The following ZNF644 variants were observed in gnomAD, a reference collection of about 807,000 sequenced individuals.
ZNF644 encodes zinc finger protein 644.
ZNF644 carries 20 observed loss-of-function variants against 108.0 expected under a neutral mutation model. That is an observed-to-expected ratio of 0.19 (90% CI 0.13 to 0.27). The LOEUF is 0.27. Ranked by LOEUF, ZNF644 falls within the 10% of genes least tolerant of loss-of-function variation. The pLI is 1.00. For missense variants in ZNF644, 1,338 were observed against 1,548.9 expected (o/e 0.86, Z 2.29); for synonymous variants, 542 against 539.1 (o/e 1.01, Z -0.08).
At chr1:90,953,200 G>C (rs1653376488) in intron 2 of ZNF644, among the ~76,000 whole-genome samples, 1 of 151,694 alleles carries the variant, frequency 6.6e-6, no homozygotes, top group Non-Finnish European at 1.5e-5. Context: ...TGAGTGATTT[G>C]TCACCTTCTT....
chr1:91,005,513 T>C (rs564726247), intron 1 of ZNF644, among the ~76,000 whole-genome samples: 7 of 152,176 alleles, frequency 4.6e-5, no homozygotes, highest in Admixed American at 1.3e-4. Context: ...TTCTTTAGTA[T>C]GTACTAGGTG....
intron 1 of ZNF644, among the ~76,000 whole-genome samples, chr1:91,009,024 A>G (rs1425418000): frequency 6.6e-6 from 1 of 152,190 alleles, no homozygotes; most frequent in Non-Finnish European, 1.5e-5. Flanking sequence ...GCTTGAGCCC[A>G]AGAGTTCAAG....
At chr1:91,007,225 G>GTTTTTTTTTTTTT (rs35761791) in intron 1 of ZNF644, among the ~76,000 whole-genome samples, 5 of 55,998 alleles carry the variant, frequency 8.9e-5, no homozygotes, top group Non-Finnish European at 1.3e-4. Context: ...CTCCCATTTT[G>GTTTTTTTTTTTTT]TTTTTTTTTT....
At chr1:90,957,140 G>A (rs1283225238) in intron 2 of ZNF644, among the ~76,000 whole-genome samples, 1 of 152,030 alleles carries the variant, frequency 6.6e-6, no homozygotes, top group Non-Finnish European at 1.5e-5. Flanking sequence ...TACAAGTAAA[G>A]AGAATGAACT....
Position 90,937,882 on chromosome 1 carries a change from G to A in ZNF644, c.3291C>T (p.Asn1097=). ...EKYEKILKAL[N]SRRIIPRPFV... ...ATGGTCTGGGAATAATACGACGACT[G>A]TTCAATGCCTTTAAGATTTTTTCAT... Residue 1097 remains asparagine, a synonymous_variant, in exon 4 of 6, where the codon AAC becomes AAT. Transcript: ENST00000337393. The A allele has an allele frequency of 6.2e-7, 1 of 1,613,864 alleles. No individual in the cohort carries two copies. Among genetic ancestry groups the A allele is most frequent in the Non-Finnish European group, 8.5e-7 (1 of 1,179,874 alleles).
intron 1 of ZNF644, among the ~76,000 whole-genome samples, chr1:90,985,662 A>C (rs906200836): frequency 1.3e-5 from 2 of 152,178 alleles, no homozygotes; most frequent in African/African-American, 4.8e-5. Flanking sequence ...ACTGAATAGT[A>C]TTCCATTGTG....
In ZNF644 at chr1:90,940,288, A is replaced by G; in HGVS notation, c.1066T>C (p.Ser356Pro). ...ATTAGATGTTGGAAGGCATCCACAG[A>G]TTCTAAGTCTTCATCAGTTGATTCA... ...KPESTDEDLE[S>P]VDAFQHLIYN... Residue 356 changes from serine to proline, a missense_variant, in exon 3 of 6, where the codon TCT becomes CCT. Coordinates refer to ENST00000337393, the MANE Select transcript of ZNF644 (RefSeq NM_201269.3). 4 of 1,613,986 alleles carry G rather than the reference A, an allele frequency of 2.5e-6. No homozygotes were observed. In the South Asian group the frequency reaches 4.4e-5, roughly 18 times the overall value.
rs1455390760 is a variant in ZNF644 at position 90,939,328 on chromosome 1, T to C, written c.2026A>G (p.Lys676Glu). The C allele has an allele frequency of 2.5e-6, 4 of 1,614,082 alleles. No homozygotes were observed. Among genetic ancestry groups the C allele is most frequent in the Non-Finnish European group, 3.4e-6 (4 of 1,179,948 alleles). Residue 676 changes from lysine to glutamate, a missense_variant, in exon 3 of 6, where the codon AAA becomes GAA. Around this residue, in one of 6 missense-constraint regions of ZNF644, gnomAD observed 462 missense variants for 472.6 expected, o/e 0.98. Transcript: ENST00000337393. The part of the protein sequence containing the change: ...GSTSQSSSFS[K>E]IHKRPHRIQK... ...ATTCTGTGTGGCCGCTTATGAATTT[T>C]TGAAAAACTACTTGATTGTGAGGTT...
intron 4 of ZNF644, among the ~76,000 whole-genome samples, chr1:90,931,818 TA>T (rs541538277): frequency 6.3e-4 from 93 of 148,634 alleles, no homozygotes; most frequent in African/African-American, 1.8e-3. Flanking sequence ...CTTCTGCTCT[TA>T]AAAAAAAAAG....
intron 2 of ZNF644, among the ~76,000 whole-genome samples, chr1:90,961,573 T>C (rs1390465771): frequency 6.6e-6 from 1 of 152,148 alleles, no homozygotes; most frequent in Non-Finnish European, 1.5e-5. Flanking sequence ...GAAGCAAGTA[T>C]AAGAATCCAA....
At chr1:90,973,155 A>G (rs1045357802) in intron 2 of ZNF644, 4 of 152,086 alleles carry the variant, frequency 2.6e-5, no homozygotes, top group Non-Finnish European at 4.4e-5. Context: ...AAAATTACCA[A>G]TGGGGATGAG....
At chr1:90,997,906 G>T (rs115558873) in intron 1 of ZNF644, among the ~76,000 whole-genome samples, 1 of 152,192 alleles carries the variant, frequency 6.6e-6, no homozygotes, top group East Asian at 1.9e-4. Context: ...TATATCCCTC[G>T]CGTGGCTTGG....
chr1:90,989,001 A>C (rs939700548), intron 1 of ZNF644, among the ~76,000 whole-genome samples: 1 of 152,336 alleles, frequency 6.6e-6, no homozygotes, highest in African/African-American at 2.4e-5. Context: ...TGACACCAAA[A>C]GCACAGGGAA....
rs375973179 is a variant in ZNF644, at chr1:91,010,555, A to G, written c.-18+11435T>C. ...TAACATGCTCTTCCCCCTAGCTGTT[A>G]TCTCCTTCCCTTTCCACCAACCTAT... On this transcript the variant is annotated intron_variant, in intron 1 of 5. Coordinates refer to ENST00000337393, the MANE Select transcript of ZNF644 (RefSeq NM_201269.3). Among the ~76,000 whole-genome samples the G allele has an allele frequency of 8.5e-5, 13 of 152,058 alleles. No homozygotes were observed. The East Asian group carries it at 2.1e-3, about 25-fold the overall frequency.
At chr1:90,923,317 G>A (rs998938671) in intron 4 of ZNF644, among the ~76,000 whole-genome samples, 7 of 151,836 alleles carry the variant, frequency 4.6e-5, no homozygotes, top group Non-Finnish European at 8.8e-5. Context: ...GCTGCATTCA[G>A]TTCCACCCCT....
chr1:90,915,817 T>C lies in ZNF644; in HGVS notation c.*981A>G, dbSNP rs1648706787. ...TGGTGTATTAAGTTTTGCTAACTGA[T>C]CAAATTTGGAAGATAATATAAATGA... is the stretch of plus-strand genomic sequence containing the variant. On this transcript the variant is annotated 3_prime_UTR_variant, in exon 6 of 6. Coordinates refer to ENST00000337393, the MANE Select transcript of ZNF644 (RefSeq NM_201269.3). 6.6e-6 allele frequency: 1 copy of C among 152,590 alleles called. No individual in the cohort carries two copies. Among genetic ancestry groups the C allele is most frequent in the Non-Finnish European group, 1.5e-5 (1 of 67,996 alleles). The allele number at this position is 152,590 out of a possible 1,614,324, so 9.5% of individuals were successfully genotyped here.
chr1:91,021,634 G>GACCC (rs1660924380), intron 1 of ZNF644: 1 of 84,570 alleles, frequency 1.2e-5, no homozygotes, highest in Non-Finnish European at 2.3e-5. Context: ...GCAGCGGAAA[G>GACCC]CCCCCCCCCC....
intron 1 of ZNF644, among the ~76,000 whole-genome samples, chr1:91,010,148 C>T (rs1376256479): frequency 6.6e-6 from 1 of 152,034 alleles, no homozygotes; most frequent in Non-Finnish European, 1.5e-5. Context: ...CCAGCTCATG[C>T]CACAATCTTA....
At chr1:90,991,513 G>A (rs1214184989) in intron 1 of ZNF644, among the ~76,000 whole-genome samples, 1 of 152,158 alleles carries the variant, frequency 6.6e-6, no homozygotes, top group Non-Finnish European at 1.5e-5. Context: ...AACTACCTGA[G>A]ACTGGGTAAT....
Sources: gnomAD v4.1 joint callset for allele counts (sites outside exome capture counted in the v4.1 genomes callset) on GRCh38, gnomAD v4.1.1 for gene constraint, gnomAD v4.1.1 regional missense constraint, MANE v1.5 for transcripts, NCBI Gene and HGNC (gene_info 2026-07-23, HGNC 2026-07-21) for gene names.